Variants in IQSEC1 observed in about 807,000 individuals in gnomAD.
IQSEC1 encodes the protein IQ motif and SEC7 domain-containing protein 1.
IQSEC1 carries 31 observed loss-of-function variants against 91.0 expected under a neutral mutation model. The observed-to-expected ratio is 0.34, with a 90% CI of 0.26 to 0.46. The LOEUF is 0.46. Among genes scored for constraint, IQSEC1 ranks in the 20% least tolerant of loss-of-function variants. The pLI, the probability that IQSEC1 is intolerant of heterozygous loss-of-function variation, is 1.00. For missense variants in IQSEC1, 1,388 were observed against 1,575.6 expected, an observed-to-expected ratio of 0.88 and a Z score of 2.02; for synonymous variants, 699 against 662.6, an observed-to-expected ratio of 1.05 and a Z score of -0.84.
intron 1 of IQSEC1, among the ~76,000 whole-genome samples, chr3:13,041,375 A>T (rs1234330488): frequency 6.6e-6 from 1 of 151,772 alleles, no homozygotes; most frequent in Non-Finnish European, 1.5e-5. Flanking sequence ...CTGCCGTGAG[A>T]CCCTCCGTGC....
chr3:13,190,602 A>G (rs1694007059), intron 1 of IQSEC1, among the ~76,000 whole-genome samples: 1 of 151,150 alleles, frequency 6.6e-6, no homozygotes, highest in Non-Finnish European at 1.5e-5. Context: ...CCTGTAACAC[A>G]AACTACTCTT....
intron 2 of IQSEC1, among the ~76,000 whole-genome samples, chr3:13,080,149 G>A (rs571714172): frequency 1.3e-5 from 2 of 152,344 alleles, no homozygotes; most frequent in Non-Finnish European, 2.9e-5. Flanking sequence ...AGGTTTCTGA[G>A]TAGAGGAGGG....
intron 1 of IQSEC1, among the ~76,000 whole-genome samples, chr3:13,272,208 T>G (rs888761157): frequency 2.6e-5 from 4 of 152,286 alleles, no homozygotes; most frequent in Middle Eastern, 3.4e-3. Flanking sequence ...ACCCTTGCTT[T>G]GTTTTGCCTC....
In IQSEC1 at chr3:13,211,201, C is replaced by T. The variant is rs1047123189; in HGVS notation, c.273-47068G>A. On this transcript the variant is annotated intron_variant, in intron 1 of 15. Coordinates refer to the IQSEC1 transcript ENST00000648114. This position sits in a 1 kb window ranked among gnomAD's most constrained non-coding sequence, Gnocchi z 5.3. ...GGCAGGAGAACAGTGTAAGCACAGC[C>T]TGAAGAAATGAGGATCCAGCCTCTG... 2.6e-5 allele frequency among the ~76,000 whole-genome samples: 4 copies of T among 152,208 alleles called. No individual in the cohort carries two copies. The highest frequency in any genetic ancestry group is 9.6e-5 in the African/African-American group (4 of 41,452).
At chr3:12,939,728 G>A (rs1226083210) in intron 2 of IQSEC1, among the ~76,000 whole-genome samples, 3 of 152,100 alleles carry the variant, frequency 2.0e-5, no homozygotes, top group Non-Finnish European at 4.4e-5. Context: ...GCCTCTTCCT[G>A]GGACAGCCAG....
chr3:13,068,353 G>C (rs1031487480), intron 1 of IQSEC1, among the ~76,000 whole-genome samples: 5 of 152,206 alleles, frequency 3.3e-5, no homozygotes, highest in Non-Finnish European at 5.9e-5. Flanking sequence ...ATTCACCCCA[G>C]ACAGGGTCTC....
chr3:12,931,376 G>T (rs1384355732), intron 3 of IQSEC1, among the ~76,000 whole-genome samples: 1 of 152,204 alleles, frequency 6.6e-6, no homozygotes, highest in African/African-American at 2.4e-5. Flanking sequence ...CATCCTCTGG[G>T]CCCAGCACTT....
chr3:12,915,624 C>T lies in IQSEC1; in HGVS notation c.2130G>A (p.Lys710=), dbSNP rs767050843. The T allele has an allele frequency of 2.5e-6, 4 of 1,614,138 alleles. No homozygotes were observed. In the South Asian group the frequency reaches 4.4e-5, roughly 18 times the overall value. ...TNEDHVSQVQ[K]VEKLIVGKKP... Reference sequence around the variant, plus strand: ...TTTTCCCCACAATGAGCTTCTCCACCTTCTGCACCTGGGACACATGGTCCT... The same window carrying T: ...TTTTCCCCACAATGAGCTTCTCCACTTTCTGCACCTGGGACACATGGTCCT... Residue 710 remains lysine (K), a synonymous_variant, in exon 7 of 14, where the codon AAG becomes AAA. Transcript: ENST00000613206.
upstream of IQSEC1, among the ~76,000 whole-genome samples, chr3:13,077,355 C>G (rs1705579456): frequency 6.6e-6 from 1 of 152,238 alleles, no homozygotes; most frequent in Non-Finnish European, 1.5e-5. Context: ...CAGCCCTGCC[C>G]TCCTCCCATC....
Position 12,899,578 on chromosome 3 carries a change from ATGGGAAGG to A in IQSEC1, c.*1397_*1404del. The A allele has an allele frequency of 2.7e-6, 4 of 1,477,408 alleles. No homozygotes were observed. Among genetic ancestry groups the A allele is most frequent in the Admixed American group, 4.8e-5 (2 of 42,020 alleles). The allele number at this position is 1,477,408 out of a possible 1,614,324, so 91.5% of individuals were successfully genotyped here. A position where few individuals can be genotyped will look rare whatever the true frequency, so the allele number is the denominator to read the frequency against. On this transcript the variant is annotated 3_prime_UTR_variant, in exon 14 of 14. Transcript: ENST00000613206. Reference sequence around the variant, plus strand: ...TGATGCCCTGGCAGCTCACTGGACCATGGGAAGGCAGCGGGGGCTCCGCCGGGCACTCG... The same window carrying A: ...TGATGCCCTGGCAGCTCACTGGACCACAGCGGGGGCTCCGCCGGGCACTCG...
chr3:12,927,677 G>T (rs548300062), intron 3 of IQSEC1, among the ~76,000 whole-genome samples: 2 of 152,250 alleles, frequency 1.3e-5, no homozygotes, highest in Non-Finnish European at 2.9e-5. Context: ...AAGCGGGCAC[G>T]TGGGCTCTTC....
At chr3:13,233,749 C>T (rs1694873355) in intron 1 of IQSEC1, among the ~76,000 whole-genome samples, 1 of 152,176 alleles carries the variant, frequency 6.6e-6, no homozygotes, top group African/African-American at 2.4e-5. Context: ...GAAACAGGTC[C>T]AGAGGTGCTG....
chr3:13,242,294 A>T (rs1047475076), intron 1 of IQSEC1, among the ~76,000 whole-genome samples: 1 of 152,196 alleles, frequency 6.6e-6, no homozygotes, highest in Admixed American at 6.5e-5. Context: ...ACAGAATATC[A>T]GTGACAGCTG....
intron 1 of IQSEC1, among the ~76,000 whole-genome samples, chr3:13,208,444 C>G (rs987782149): frequency 6.6e-6 from 1 of 152,126 alleles, no homozygotes; most frequent in African/African-American, 2.4e-5. Context: ...CCTTCCGTCC[C>G]TCGTCCACCT....
chr3:13,262,368 G>A (rs1055047867), intron 1 of IQSEC1, among the ~76,000 whole-genome samples: 5 of 152,342 alleles, frequency 3.3e-5, no homozygotes, highest in African/African-American at 1.2e-4. Context: ...TCTTAGGGTA[G>A]GAGCCAGCAC....
intron 1 of IQSEC1, among the ~76,000 whole-genome samples, chr3:13,042,739 A>G (rs973380459): frequency 6.6e-6 from 1 of 151,996 alleles, no homozygotes; most frequent in Non-Finnish European, 1.5e-5. Flanking sequence ...AGGGCTCCTG[A>G]CGGTGGCTCT....
chr3:13,266,397 C>T (rs1018795655), intron 1 of IQSEC1, among the ~76,000 whole-genome samples: 7 of 152,136 alleles, frequency 4.6e-5, no homozygotes, highest in Non-Finnish European at 8.8e-5. Context: ...CTAGCCCAAA[C>T]GCCAGCCTCT....
At chr3:12,920,632 G>A (rs200697714) in intron 5 of IQSEC1, 36 bp from the exon 6 acceptor site, 15 of 1,603,958 alleles carry the variant, frequency 9.4e-6, no homozygotes, top group African/African-American at 9.3e-5. Context: ...GGGCCATGGC[G>A]CAGCAAGTGA....
At position 13,277,387 on chromosome 3, in the gene IQSEC1, C is replaced by T. The variant is rs116327509; in HGVS notation, c.272+5324G>A. On this transcript the variant is annotated intron_variant, in intron 1 of 15. Coordinates refer to the IQSEC1 transcript ENST00000648114. ...AACGTCGGAAACAAGTAGGTCCCGA[C>T]TTTATTTCGCACACAGTGCCACTCG... Among the ~76,000 whole-genome samples, 1,419 of 152,320 alleles carry T rather than the reference C, an allele frequency of 9.3e-3. 23 individuals are homozygous for T. Among genetic ancestry groups the T allele is most frequent in the African/African-American group, 0.033 (1,366 of 41,566 alleles).
Sources: allele counts gnomAD v4.1 joint callset (sites outside exome capture counted in the v4.1 genomes callset), GRCh38; gene constraint gnomAD v4.1.1; non-coding constraint Gnocchi (gnomAD v3.1); transcripts MANE v1.5; gene names NCBI Gene and HGNC (gene_info 2026-07-23, HGNC 2026-07-21).